The following COQ8A variants were observed in gnomAD, a reference collection of about 807,000 sequenced individuals.
The protein encoded by COQ8A is coenzyme Q8A.
A neutral mutation model predicts 65.0 loss-of-function variants in COQ8A; 51 were observed. That is an observed-to-expected ratio of 0.78 (90% CI 0.63 to 0.99). The LOEUF (loss-of-function observed/expected upper bound fraction) is 0.99, where lower values mean the gene tolerates loss of function less well. Ranked by LOEUF, COQ8A falls within the 50% of genes least tolerant of loss-of-function variation. The pLI is 0.00. For synonymous variants in COQ8A, 371 were observed against 353.2 expected, an observed-to-expected ratio of 1.05 and a Z score of -0.57; for missense variants, 940 against 875.0, an observed-to-expected ratio of 1.07 and a Z score of -0.94.
Position 226,949,060 on chromosome 1 carries a change from A to AGCCCCAAG in COQ8A, c.-10+8674_-10+8681dup, listed in dbSNP as rs1274792704. On this transcript the variant is annotated intron_variant, in intron 1 of 14. Transcript: ENST00000366777. The surrounding 1 kb of genome is among the most constrained non-coding windows in gnomAD (Gnocchi z 4.0). ...GCTGGTCAGGGCAGAGCTGATTCCCAGCCCCAAGGCCCCAAGGCCCTCACC... is the reference window on the plus strand; with the variant it reads ...GCTGGTCAGGGCAGAGCTGATTCCCAGCCCCAAGGCCCCAAGGCCCCAAGGCCCTCACC... Among the ~76,000 whole-genome samples the AGCCCCAAG allele has an allele frequency of 5.9e-5, 9 of 152,188 alleles. No individual in the cohort carries two copies. The South Asian group carries it at 1.9e-3, about 32-fold the overall frequency.
intron 1 of COQ8A, among the ~76,000 whole-genome samples, chr1:226,947,424 G>A (rs1025580060): frequency 1.3e-5 from 2 of 152,290 alleles, no homozygotes; most frequent in African/African-American, 2.4e-5. Context: ...GGCAGACAGA[G>A]GGGAATAATA....
intron 4 of COQ8A, among the ~76,000 whole-genome samples, chr1:226,973,528 C>T (rs1363449361): frequency 6.6e-6 from 1 of 152,214 alleles, no homozygotes; most frequent in Non-Finnish European, 1.5e-5. Flanking sequence ...TAGGGCTTCC[C>T]TTCCCCCACC....
Position 226,977,472 on chromosome 1 carries a change from G to A in COQ8A, c.679G>A (p.Gly227Arg), listed in dbSNP as rs199694417. The change falls in exon 5 of 15, where the codon GGG becomes AGG. Residue 227 changes from glycine (G) to arginine (R), a missense_variant. Transcript: ENST00000366777. ...FGGLAVGLGF[G>R]ALAEVAKKSL... is the part of the protein sequence containing the mutation. The stretch of plus-strand genomic sequence containing the variant: ...AGGTCTGGCCGTGGGCCTGGGCTTC[G>A]GGGCACTGGCAGAGGTCGCCAAGAA... The A allele has an allele frequency of 1.8e-5, 28 of 1,566,968 alleles. No homozygotes were observed. The East Asian group carries it at 4.6e-4, about 26-fold the overall frequency.
intron 5 of COQ8A, among the ~76,000 whole-genome samples, chr1:226,981,510 C>G (rs1257636410): frequency 6.6e-6 from 1 of 152,240 alleles, no homozygotes; most frequent in Non-Finnish European, 1.5e-5. Context: ...GGCCTGAGCG[C>G]CGTTCCCTTG....
At chr1:226,959,762 G>A (rs1000036496) in intron 1 of COQ8A, among the ~76,000 whole-genome samples, 4 of 152,204 alleles carry the variant, frequency 2.6e-5, no homozygotes, top group East Asian at 1.9e-4. Context: ...TGGCTCTGGC[G>A]CCACTGTCTA....
rs750437674 is a variant in COQ8A at position 226,961,377 on chromosome 1, C to T, written c.-9C>T. On this transcript the variant is annotated splice_region_variant and 5_prime_UTR_variant, in exon 2 of 15. Coordinates refer to ENST00000366777, the MANE Select transcript of COQ8A (RefSeq NM_020247.5). ...CCTGACTTGGCCTCCTCTCTTCCAG[C>T]CCTGAAGGATGGCTGCCATATTGGG... 1.2e-6 allele frequency: 2 copies of T among 1,613,422 alleles called. No individual in the cohort carries two copies. Among genetic ancestry groups the T allele is most frequent in the Non-Finnish European group, 1.7e-6 (2 of 1,180,028 alleles).
At chr1:226,983,306 C>T in intron 8 of COQ8A, 1 of 661,588 alleles carries the variant, frequency 1.5e-6, no homozygotes, top group South Asian at 1.9e-5. Context: ...CTTTTTGGGG[C>T]CAGAGCTGGT....
rs1288576052 is a variant in COQ8A, at chr1:226,983,864, C to A, written c.1256+10C>A. The A allele has an allele frequency of 1.9e-6, 3 of 1,598,408 alleles. No individual in the cohort carries two copies. The highest frequency in any genetic ancestry group is 2.6e-6 in the Non-Finnish European group (3 of 1,174,430). ...GTGCCCGCAAGTTCAGGTGTGGCCC[C>A]CGGCCGGGCCCCTTGCGTGTTTGCA... is the stretch of plus-strand genomic sequence containing the variant. On this transcript the variant is annotated intron_variant, in intron 10 of 14. Coordinates refer to ENST00000366777, the MANE Select transcript of COQ8A (RefSeq NM_020247.5).
At position 226,984,593 on chromosome 1, in the gene COQ8A, T is replaced by A. The variant is rs1391419327; in HGVS notation, c.1444T>A (p.Phe482Ile). The A allele has an allele frequency of 6.2e-7, 1 of 1,614,044 alleles. No individual in the cohort carries two copies. The highest frequency in any genetic ancestry group is 8.5e-7 in the Non-Finnish European group (1 of 1,179,984). Residue 482 changes from phenylalanine (F) to isoleucine (I), a missense_variant, in exon 12 of 15, where the codon TTC becomes ATC. Transcript: ENST00000366777. ...TCTGTGCCTGAGGGAGCTGTTCGAG[T>A]TCCACTTCATGCAAACAGACCCCAA... ...LVLCLRELFE[F>I]HFMQTDPNWS...
intron 2 of COQ8A, among the ~76,000 whole-genome samples, chr1:226,963,462 C>T (rs1658377379): frequency 6.6e-6 from 1 of 152,192 alleles, no homozygotes; most frequent in Admixed American, 6.5e-5. Context: ...TGGGCTTCCA[C>T]AGTGACACCG....
chr1:226,984,444 G>A, intron 11 of COQ8A, 104 bp from the exon 12 acceptor site: 1 of 1,296,428 alleles, frequency 7.7e-7, no homozygotes, highest in Non-Finnish European at 1.1e-6. Flanking sequence ...CAGTCCCTAG[G>A]GTAGGGTGGG....
At chr1:226,966,946 TC>T (rs1658606442) in intron 4 of COQ8A, among the ~76,000 whole-genome samples, 1 of 152,220 alleles carries the variant, frequency 6.6e-6, no homozygotes, top group African/African-American at 2.4e-5. Context: ...TAGAATTTTC[TC>T]AGCAGTAAGG....
In COQ8A at chr1:226,975,985, C is replaced by T. The variant is rs1484979025; in HGVS notation, c.656-1464C>T. Among the ~76,000 whole-genome samples the T allele has an allele frequency of 4.7e-5, 7 of 150,052 alleles. No individual in the cohort carries two copies. The East Asian group carries it at 5.8e-4, about 13-fold the overall frequency. ...ATGCAAGCAGATGCCAGTTTCCTTG[C>T]GCCTTAAACAGAGCGTCCTGGTGTG... On this transcript the variant is annotated intron_variant, in intron 4 of 14. Coordinates refer to ENST00000366777, the MANE Select transcript of COQ8A (RefSeq NM_020247.5).
At chr1:226,977,083 C>T (rs760020272) in intron 4 of COQ8A, among the ~76,000 whole-genome samples, 5 of 152,132 alleles carry the variant, frequency 3.3e-5, no homozygotes, top group African/African-American at 7.2e-5. Context: ...GTCGGGGTGA[C>T]GTTGGTCTGT....
intron 4 of COQ8A, among the ~76,000 whole-genome samples, chr1:226,973,558 A>G (rs1659022256): frequency 6.6e-6 from 1 of 152,184 alleles, no homozygotes; most frequent in Non-Finnish European, 1.5e-5. Flanking sequence ...CTGGGAACAG[A>G]GGGACAGATC....
rs2989948 is a variant in COQ8A at position 226,976,121 on chromosome 1, T to G, written c.656-1328T>G. ...GGGGCTGTGGGACTGCGATGTTGCC[T>G]GGCTGTGGGGCTGCGGGACTGCGGG... On this transcript the variant is annotated intron_variant, in intron 4 of 14. Coordinates refer to ENST00000366777, the MANE Select transcript of COQ8A (RefSeq NM_020247.5). Among the ~76,000 whole-genome samples the G allele has an allele frequency of 3.0e-3, 404 of 134,380 alleles. 12 individuals carry two copies. Among genetic ancestry groups the G allele is most frequent in the Admixed American group, 4.2e-3 (57 of 13,416 alleles). The allele number at this position is 134,380 out of a possible 152,430, so 88.2% of individuals were successfully genotyped here.
intron 4 of COQ8A, among the ~76,000 whole-genome samples, chr1:226,975,772 G>A (rs557892380): frequency 1.3e-5 from 2 of 152,326 alleles, no homozygotes; most frequent in African/African-American, 4.8e-5. Flanking sequence ...GGCAGGGGCT[G>A]CCCAGACTGC....
At chr1:226,978,486 C>T (rs1355105821) in intron 5 of COQ8A, among the ~76,000 whole-genome samples, 1 of 148,254 alleles carries the variant, frequency 6.7e-6, no homozygotes, top group Non-Finnish European at 1.5e-5. Flanking sequence ...ACCTGCACAC[C>T]TCCTTACACA....
chr1:226,972,686 C>G lies in COQ8A; in HGVS notation c.656-4763C>G, dbSNP rs1407240159. Among the ~76,000 whole-genome samples, 1 of 152,002 alleles carries G rather than the reference C, an allele frequency of 6.6e-6. No individual in the cohort carries two copies. The highest frequency in any genetic ancestry group is 1.5e-5 in the Non-Finnish European group (1 of 67,998). On this transcript the variant is annotated intron_variant, in intron 4 of 14. Coordinates refer to ENST00000366777, the MANE Select transcript of COQ8A (RefSeq NM_020247.5). This position sits in a 1 kb window ranked among gnomAD's most constrained non-coding sequence, Gnocchi z 4.3. ...AAAGCTCTCTCTGGGACCATTGTGC[C>G]CCATCCCCCCAAACTTTTGTGTCCC...
Sources: allele counts gnomAD v4.1 joint callset (sites outside exome capture counted in the v4.1 genomes callset), GRCh38; gene constraint gnomAD v4.1.1; non-coding constraint Gnocchi (gnomAD v3.1); transcripts MANE v1.5; gene names NCBI Gene and HGNC (gene_info 2026-07-23, HGNC 2026-07-21).